RAMP1: variants seen among roughly 807,000 people sequenced by gnomAD.
The protein encoded by RAMP1 is receptor activity modifying protein 1, also known as receptor activity-modifying protein 1.
Under a neutral mutation model 8.2 loss-of-function variants are expected in RAMP1, and 7 were observed. The ratio of observed to expected loss-of-function variants is 0.85; its 90% confidence interval spans 0.49 to 1.60. The LOEUF is 1.60. RAMP1 is among the 40% of genes most tolerant of loss of function. The pLI is 0.00. For missense variants in RAMP1, 192 were observed against 202.4 expected, an observed-to-expected ratio of 0.95 and a Z score of 0.31; for synonymous variants, 92 against 84.7, an observed-to-expected ratio of 1.09 and a Z score of -0.47.
In RAMP1 at chr2:237,860,718, C is replaced by G. The variant is rs565637072; in HGVS notation, c.52+991C>G. Among the ~76,000 whole-genome samples the G allele has an allele frequency of 1.1e-4, 16 of 152,258 alleles. 1 individual carries two copies. Among genetic ancestry groups the G allele is most frequent in the Admixed American group, 7.8e-4 (12 of 15,300 alleles). On this transcript the variant is annotated intron_variant, in intron 1 of 2. Transcript: ENST00000254661. ...TTTCCCCGGAAACAGTGATGTTGGTCAGAGGCACCTGCCGCACAAGACCTC... is the reference window on the plus strand; with the variant it reads ...TTTCCCCGGAAACAGTGATGTTGGTGAGAGGCACCTGCCGCACAAGACCTC...
chr2:237,881,490 G>C (rs2062367101), intron 2 of RAMP1, among the ~76,000 whole-genome samples: 1 of 152,214 alleles, frequency 6.6e-6, no homozygotes, highest in Non-Finnish European at 1.5e-5. Flanking sequence ...AATGTGTTAG[G>C]TTTTGCAACG....
At chr2:237,871,936 T>A (rs1206385983) in intron 1 of RAMP1, among the ~76,000 whole-genome samples, 2 of 152,138 alleles carry the variant, frequency 1.3e-5, no homozygotes, top group African/African-American at 2.4e-5. Flanking sequence ...AATCATTGAA[T>A]TGTCTATGTA....
chr2:237,904,031 G>A (rs114534473), intron 2 of RAMP1, among the ~76,000 whole-genome samples: 3,293 of 152,336 alleles, frequency 0.022, 45 homozygotes, highest in Middle Eastern at 0.044. Flanking sequence ...GAGCCACCAC[G>A]CCCAGCCTAG....
intron 2 of RAMP1, among the ~76,000 whole-genome samples, chr2:237,889,278 TGA>T (rs1451721205): frequency 6.6e-6 from 1 of 152,228 alleles, no homozygotes; most frequent in Non-Finnish European, 1.5e-5. Context: ...GTCTCAATTG[TGA>T]GAGTCATATG....
At chr2:237,859,560 ACCGCTCCCGCGC>A (rs1236143747), upstream of RAMP1, 24 of 691,640 alleles carry the variant, frequency 3.5e-5, no homozygotes, top group East Asian at 1.1e-4. Context: ...GCCGCCTCCC[ACCGCTCCCGCGC>A]CCGCTCCCGC....
intron 1 of RAMP1, among the ~76,000 whole-genome samples, chr2:237,871,097 G>A (rs560619514): frequency 2.1e-4 from 32 of 152,326 alleles, no homozygotes; most frequent in Non-Finnish European, 3.2e-4. Context: ...CCACGGCCCC[G>A]AGGACCTTTC....
chr2:237,876,785 C>T (rs958283162), intron 1 of RAMP1, among the ~76,000 whole-genome samples: 12 of 152,148 alleles, frequency 7.9e-5, no homozygotes, highest in Non-Finnish European at 1.3e-4. Flanking sequence ...TTCATGCTTC[C>T]GTTTGTCAGC....
rs2062176152 is a variant in RAMP1 at position 237,865,286 on chromosome 2, A to AGCAGGGGAGAGGAGGGGAGGGGAGG, written c.52+5573_52+5574insGGGAGGGGAGGGCAGGGGAGAGGAG. On this transcript the variant is annotated intron_variant, in intron 1 of 2. Transcript: ENST00000254661. The surrounding 1 kb of genome is among the most constrained non-coding windows in gnomAD (Gnocchi z 4.2). Reference sequence around the variant, plus strand: ...AAGAGAGGAGAGGAGGGGAGGGGAGAGCAGGGGAGAGGAGAGGAGGGGAGG... The same window carrying AGCAGGGGAGAGGAGGGGAGGGGAGG: ...AAGAGAGGAGAGGAGGGGAGGGGAGAGCAGGGGAGAGGAGGGGAGGGGAGGGCAGGGGAGAGGAGAGGAGGGGAGG... Among the ~76,000 whole-genome samples the AGCAGGGGAGAGGAGGGGAGGGGAGG allele has an allele frequency of 1.1e-5, 1 of 93,990 alleles. No individual in the cohort carries two copies. The highest frequency in any genetic ancestry group is 4.2e-5 in the African/African-American group (1 of 23,994). 61.7% of individuals were successfully genotyped at this position (93,990 alleles called of 152,430 possible).
chr2:237,911,206 C>T (rs1053755757), intron 2 of RAMP1, among the ~76,000 whole-genome samples: 4 of 151,322 alleles, frequency 2.6e-5, no homozygotes, highest in Non-Finnish European at 5.9e-5. Context: ...GAGCTGGTGG[C>T]AGAGGAGCTG....
chr2:237,903,920 G>A (rs1559954286), intron 2 of RAMP1, among the ~76,000 whole-genome samples: 1 of 151,898 alleles, frequency 6.6e-6, no homozygotes, highest in African/African-American at 2.4e-5. Flanking sequence ...GTATTTTTTT[G>A]TAGAGACAAG....
chr2:237,886,056 G>C (rs1358721531), intron 2 of RAMP1, among the ~76,000 whole-genome samples: 1 of 152,196 alleles, frequency 6.6e-6, no homozygotes, highest in Non-Finnish European at 1.5e-5. Flanking sequence ...CTCGCGCAGT[G>C]ACACCAGTCT....
chr2:237,904,353 G>A (rs2062634175), intron 2 of RAMP1, among the ~76,000 whole-genome samples: 1 of 152,078 alleles, frequency 6.6e-6, no homozygotes, highest in African/African-American at 2.4e-5. Context: ...CAGGAAGTGG[G>A]GCTTGCAGTG....
chr2:237,901,944 A>G (rs2062602312), intron 2 of RAMP1, among the ~76,000 whole-genome samples: 1 of 152,114 alleles, frequency 6.6e-6, no homozygotes, highest in Non-Finnish European at 1.5e-5. Context: ...CATCCTGGGC[A>G]CAGTGATGGG....
At chr2:237,896,119 C>T (rs1559950071) in intron 2 of RAMP1, among the ~76,000 whole-genome samples, 1 of 152,224 alleles carries the variant, frequency 6.6e-6, no homozygotes, top group East Asian at 1.9e-4. Context: ...CCTGCTCAGG[C>T]CCAGATGCAG....
rs1266928252 is a variant in RAMP1, at chr2:237,865,331, G to A, written c.52+5604G>A. ...GGGAGGGCAGGGGAGAAGAGAGGAG[G>A]GGAGGGGAGGGCAGGGGAGTAGAGA... On this transcript the variant is annotated intron_variant, in intron 1 of 2. Transcript: ENST00000254661. The surrounding 1 kb of genome is among the most constrained non-coding windows in gnomAD (Gnocchi z 4.2). Among the ~76,000 whole-genome samples the A allele has an allele frequency of 1.5e-5, 2 of 136,016 alleles. No homozygotes were observed. Among genetic ancestry groups the A allele is most frequent in the Admixed American group, 7.2e-5 (1 of 13,860 alleles). The allele number at this position is 136,016 out of a possible 152,430, so 89.2% of individuals were successfully genotyped here.
In RAMP1 at chr2:237,878,240, G is replaced by A. The variant is rs1002531667; in HGVS notation, c.191+878G>A. 14 of 941,834 alleles carry A rather than the reference G, an allele frequency of 1.5e-5. No individual in the cohort carries two copies. In the Admixed American group the frequency reaches 3.7e-4, roughly 25 times the overall value. The allele number at this position is 941,834 out of a possible 1,614,324, so 58.3% of individuals were successfully genotyped here. On this transcript the variant is annotated intron_variant, in intron 2 of 2. Coordinates refer to ENST00000254661, the MANE Select transcript of RAMP1 (RefSeq NM_005855.4). This position sits in a 1 kb window ranked among gnomAD's most constrained non-coding sequence, Gnocchi z 5.7. ...TCCTGGTGCCCCACCGATGACAAGC[G>A]CTTTCCCCAGTGCCTGAGAGAAAGG...
intron 1 of RAMP1, chr2:237,874,528 C>A: frequency 2.5e-6 from 1 of 399,080 alleles, no homozygotes. Flanking sequence ...AGCCAAGGAT[C>A]CCGACTGAGG....
At chr2:237,896,218 T>C (rs1667182826) in intron 2 of RAMP1, among the ~76,000 whole-genome samples, 1 of 152,220 alleles carries the variant, frequency 6.6e-6, no homozygotes, top group Non-Finnish European at 1.5e-5. Flanking sequence ...GCCAGGGCGC[T>C]GCCCAGGCCT....
chr2:237,862,012 C>G lies in RAMP1; in HGVS notation c.52+2285C>G, dbSNP rs1358901272. 3.9e-5 allele frequency among the ~76,000 whole-genome samples: 6 copies of G among 152,134 alleles called. No individual in the cohort carries two copies. The highest frequency in any genetic ancestry group is 8.8e-5 in the Non-Finnish European group (6 of 68,024). On this transcript the variant is annotated intron_variant, in intron 1 of 2. Transcript: ENST00000254661. This position sits in a 1 kb window ranked among gnomAD's most constrained non-coding sequence, Gnocchi z 4.0. ...GGAAAGAAGGATGCGTTAGAAGCCC[C>G]TGGTTTTTCGAGTCCATCTTCACTC...
Sources: gnomAD v4.1 joint callset for allele counts (sites outside exome capture counted in the v4.1 genomes callset) on GRCh38, gnomAD v4.1.1 for gene constraint, Gnocchi (gnomAD v3.1) non-coding constraint, MANE v1.5 for transcripts, NCBI Gene and HGNC (gene_info 2026-07-23, HGNC 2026-07-21) for gene names.